HELB: variants seen among roughly 807,000 people sequenced by gnomAD.
The protein encoded by HELB is DNA helicase B.
HELB carries 96 observed loss-of-function variants against 101.7 expected under a neutral mutation model. That is an observed-to-expected ratio of 0.94 (90% CI 0.80 to 1.12). The LOEUF (loss-of-function observed/expected upper bound fraction) is 1.12, where lower values mean the gene tolerates loss of function less well. Among genes scored for constraint, HELB ranks in the 50% most tolerant of loss-of-function variants. The pLI is 0.00. For synonymous variants in HELB, 437 were observed against 459.7 expected (o/e 0.95, Z 0.63); for missense variants, 1,210 against 1,291.9 (o/e 0.94, Z 0.97).
chr12:66,319,527 G>T (rs1055054567), intron 7 of HELB, among the ~76,000 whole-genome samples: 1 of 152,112 alleles, frequency 6.6e-6, no homozygotes, highest in Non-Finnish European at 1.5e-5. Context: ...TATTGCAAGT[G>T]AATTTATTTA....
At chr12:66,326,431 C>T (rs759464265) in intron 11 of HELB, among the ~76,000 whole-genome samples, 2 of 151,808 alleles carry the variant, frequency 1.3e-5, no homozygotes, top group African/African-American at 2.4e-5. Flanking sequence ...TTAGTAGAGA[C>T]GGGGTTTCAC....
At chr12:66,337,817 A>G (rs2053882744) in intron 12 of HELB, among the ~76,000 whole-genome samples, 184 bp from the exon 13 acceptor site, 2 of 152,188 alleles carry the variant, frequency 1.3e-5, no homozygotes, top group Admixed American at 6.5e-5. Flanking sequence ...TAGAGATACC[A>G]CAGTGAGCAA....
At chr12:66,341,530 G>T (rs2137024816), downstream of HELB, 1 of 152,266 alleles carries the variant, frequency 6.6e-6, no homozygotes, top group Non-Finnish European at 1.5e-5. Context: ...ATCACAAAAT[G>T]TAAGAATTCT....
rs761326986 is a variant in HELB at position 66,306,466 on chromosome 12, G to C, written c.729G>C (p.Glu243Asp). 6.2e-7 allele frequency: 1 copy of C among 1,603,926 alleles called. No homozygotes were observed. The highest frequency in any genetic ancestry group is 8.5e-7 in the Non-Finnish European group (1 of 1,175,688). Residue 243 changes from glutamate (E) to aspartate (D), a missense_variant, in exon 3 of 13, where the codon GAG becomes GAC. Coordinates refer to ENST00000247815, the MANE Select transcript of HELB (RefSeq NM_001370285.1). ...IGSGSKEMLK[E>D]IEEILGTHPW... ...CAGGTTCTAAAGAGATGTTGAAAGAGATAGAAGAGATTTTAGGTACACATC... is the reference window on the plus strand; with the variant it reads ...CAGGTTCTAAAGAGATGTTGAAAGACATAGAAGAGATTTTAGGTACACATC...
At chr12:66,322,838 G>GTTTT in intron 9 of HELB, 55 bp downstream of exon 9, 3 of 941,870 alleles carry the variant, frequency 3.2e-6, no homozygotes, top group Non-Finnish European at 4.6e-6. Context: ...CGATTTGCTG[G>GTTTT]TTTTTTTTTT....
At chr12:66,315,496 C>G in intron 6 of HELB, 113 bp downstream of exon 6, 1 of 666,050 alleles carries the variant, frequency 1.5e-6, no homozygotes, top group Non-Finnish European at 2.2e-6. Flanking sequence ...TTTAGCAAAA[C>G]TCTTCCATCC....
downstream of HELB, chr12:66,338,971 T>C (rs967065653): frequency 3.3e-5 from 5 of 152,252 alleles, no homozygotes; most frequent in African/African-American, 1.2e-4. Context: ...AGGAAGGTTT[T>C]TTCTCTCTCA....
At chr12:66,339,696 G>T (rs187628921), downstream of HELB, 203 of 152,426 alleles carry the variant, frequency 1.3e-3, no homozygotes, top group African/African-American at 4.6e-3. Flanking sequence ...AGGAGGTGGA[G>T]GTTGCGGTGA....
chr12:66,314,180 T>C lies in HELB; in HGVS notation c.1858+17T>C, dbSNP rs2053575298. On this transcript the variant is annotated intron_variant, in intron 5 of 12. Transcript: ENST00000247815. ...TTATCCTTGGTAAGTTAAAATATTG[T>C]TGGAATTCTGATGTTTATTTCAAAG... The C allele has an allele frequency of 6.2e-7, 1 of 1,603,932 alleles. No homozygotes were observed. The highest frequency in any genetic ancestry group is 1.3e-5 in the African/African-American group (1 of 74,566).
chr12:66,338,235 T>G, downstream of HELB: 1 of 648,048 alleles, frequency 1.5e-6, no homozygotes, highest in Non-Finnish European at 2.7e-6. Flanking sequence ...GCAAATGTTT[T>G]AAATCCATTT....
At chr12:66,315,766 G>A (rs1174943474) in intron 6 of HELB, among the ~76,000 whole-genome samples, 1 of 152,122 alleles carries the variant, frequency 6.6e-6, no homozygotes, top group East Asian at 1.9e-4. Context: ...AAAGCTGAAG[G>A]CAAAATAATT....
At chr12:66,334,560 A>G (rs1399082982) in intron 12 of HELB, among the ~76,000 whole-genome samples, 1 of 151,752 alleles carries the variant, frequency 6.6e-6, no homozygotes, top group Non-Finnish European at 1.5e-5. Flanking sequence ...GGATCACTTG[A>G]GCCCAGAAGT....
At chr12:66,307,423 G>A (rs1457423409) in intron 3 of HELB, among the ~76,000 whole-genome samples, 3 of 152,082 alleles carry the variant, frequency 2.0e-5, no homozygotes, top group Non-Finnish European at 1.5e-5. Flanking sequence ...ATATTAAGAA[G>A]GGAAGATCAT....
At chr12:66,333,615 T>C (rs149804898) in intron 12 of HELB, among the ~76,000 whole-genome samples, 1,762 of 151,032 alleles carry the variant, frequency 0.012, 39 homozygotes, top group African/African-American at 0.041. Flanking sequence ...ACCCAGGAGG[T>C]AGAGGTTGCA....
chr12:66,303,733 G>C (rs1049080077), intron 1 of HELB, among the ~76,000 whole-genome samples: 4 of 152,130 alleles, frequency 2.6e-5, no homozygotes, highest in Non-Finnish European at 5.9e-5. Context: ...TTGTGGTTCG[G>C]GTAAACCTTG....
intron 4 of HELB, among the ~76,000 whole-genome samples, chr12:66,312,310 A>G (rs1043437100): frequency 1.3e-5 from 2 of 152,170 alleles, no homozygotes; most frequent in African/African-American, 2.4e-5. Flanking sequence ...GATGCTGTAC[A>G]CTAACAATGA....
chr12:66,323,988 A>G lies in HELB; in HGVS notation c.2303A>G (p.His768Arg). 6.2e-7 allele frequency: 1 copy of G among 1,604,290 alleles called. No homozygotes were observed. Among genetic ancestry groups the G allele is most frequent in the South Asian group, 1.1e-5 (1 of 90,854 alleles). ...KHYTGHLTKD[H>R]QSRLVFGIGD... ...ATTATCATTTTCTATCCCAGAGACC[A>G]TCAGAGTAGACTTGTTTTTGGAATT... Residue 768 changes from histidine to arginine, a missense_variant, in exon 10 of 13, where the codon CAT becomes CGT. By Grantham distance (29) the His-to-Arg change is conservative (BLOSUM62 0). This residue lies in a region of HELB where 740 missense variants were observed against 728.8 expected (regional missense o/e 1.02). Transcript: ENST00000247815.
Position 66,302,573 on chromosome 12 carries a change from C to T in HELB, c.-31C>T, listed in dbSNP as rs2136981721. The stretch of plus-strand genomic sequence containing the variant: ...GACCATGCAGTTAGCCAGGGTTTTC[C>T]CGAGTTGTTTGGGTTGAGTTCAGGA... On this transcript the variant is annotated 5_prime_UTR_variant, in exon 1 of 13. Coordinates refer to ENST00000247815, the MANE Select transcript of HELB (RefSeq NM_001370285.1). The T allele has an allele frequency of 3.7e-6, 6 of 1,600,498 alleles. No homozygotes were observed. The highest frequency in any genetic ancestry group is 3.3e-4 in the Middle Eastern group (2 of 6,002).
intron 6 of HELB, among the ~76,000 whole-genome samples, chr12:66,315,915 T>C (rs920061550): frequency 6.6e-5 from 10 of 152,200 alleles, no homozygotes; most frequent in African/African-American, 2.4e-4. Context: ...AGACATTTGG[T>C]TTCTCCATAA....
Sources: allele counts gnomAD v4.1 joint callset (sites outside exome capture counted in the v4.1 genomes callset), GRCh38; gene constraint gnomAD v4.1.1; regional missense constraint gnomAD v4.1.1; transcripts MANE v1.5; gene names NCBI Gene and HGNC (gene_info 2026-07-23, HGNC 2026-07-21).